BMPER: variants seen among roughly 807,000 people sequenced by gnomAD.
BMPER encodes BMP binding endothelial regulator.
In BMPER, 45 loss-of-function variants were observed where a neutral mutation model predicts 87.3. The ratio of observed to expected loss-of-function variants is 0.52; its 90% CI spans 0.41 to 0.66. The LOEUF is 0.66. Ranked by LOEUF, BMPER falls within the 30% of genes least tolerant of loss-of-function variation. BMPER has a pLI of 0.00. For missense variants in BMPER, 784 were observed against 867.5 expected, an observed-to-expected ratio of 0.90 and a Z score of 1.21; for synonymous variants, 326 against 316.2, an observed-to-expected ratio of 1.03 and a Z score of -0.33.
intron 6 of BMPER, among the ~76,000 whole-genome samples, chr7:33,977,356 G>T (rs1248467135): frequency 2.0e-5 from 3 of 152,170 alleles, no homozygotes; most frequent in Non-Finnish European, 4.4e-5. Flanking sequence ...CTTTAGAGTG[G>T]AATATTCCAA....
chr7:34,003,537 G>A (rs1340229749), intron 6 of BMPER, among the ~76,000 whole-genome samples: 4 of 152,014 alleles, frequency 2.6e-5, no homozygotes, highest in East Asian at 3.9e-4. Flanking sequence ...ACCTCTAATG[G>A]CATTCTTTAT....
intron 11 of BMPER, among the ~76,000 whole-genome samples, chr7:34,070,553 T>A (rs1351148552): frequency 6.6e-6 from 1 of 152,120 alleles, no homozygotes; most frequent in Non-Finnish European, 1.5e-5. Flanking sequence ...GAACCCAAAC[T>A]TAGCTTTCAC....
At chr7:33,941,083 A>T (rs1429404619) in intron 3 of BMPER, among the ~76,000 whole-genome samples, 13 of 134,562 alleles carry the variant, frequency 9.7e-5, no homozygotes, top group African/African-American at 3.6e-4. Flanking sequence ...TTATATATTT[A>T]TATATAATTT....
chr7:33,980,315 G>C (rs1585700844), intron 6 of BMPER, among the ~76,000 whole-genome samples: 2 of 152,304 alleles, frequency 1.3e-5, no homozygotes, highest in East Asian at 3.9e-4. Context: ...TTCTTTATGA[G>C]ATGTGTTCAG....
chr7:34,138,334 T>A (rs373507982), intron 13 of BMPER, among the ~76,000 whole-genome samples: 1 of 152,170 alleles, frequency 6.6e-6, no homozygotes, highest in East Asian at 1.9e-4. Flanking sequence ...CCGAGTGCTA[T>A]GAGGAACAGG....
chr7:33,911,635 TG>T (rs1483617889), intron 2 of BMPER, among the ~76,000 whole-genome samples: 1 of 152,176 alleles, frequency 6.6e-6, no homozygotes, highest in Non-Finnish European at 1.5e-5. Flanking sequence ...CAGACAGTCT[TG>T]GGTTAAAATC....
At position 34,153,246 on chromosome 7, in the gene BMPER, C is replaced by G; in HGVS notation, c.2031C>G (p.Ile677Met). Residue 677 changes from isoleucine (I) to methionine (M), a missense_variant, in exon 15 of 15, where the codon ATC (isoleucine) becomes ATG (methionine). By Grantham distance (10) the Ile-to-Met change is conservative. Coordinates refer to ENST00000649409, the MANE Select transcript of BMPER (RefSeq NM_001365308.1). ...TGGTCCTTCACAAGGGAAGGTGCAT[C>G]AAGCCAGTCCTTTGTCCCCAGCGGT... Reference protein sequence around the residue: ...ANLVLHKGRCIKPVLCPQR With the variant: ...ANLVLHKGRCMKPVLCPQR 6.2e-7 allele frequency: 1 copy of G among 1,614,046 alleles called. No individual in the cohort carries two copies. The highest frequency in any genetic ancestry group is 1.1e-5 in the South Asian group (1 of 91,074).
intron 3 of BMPER, among the ~76,000 whole-genome samples, chr7:33,956,369 G>C (rs1246411029): frequency 6.6e-6 from 1 of 152,120 alleles, no homozygotes; most frequent in Non-Finnish European, 1.5e-5. Flanking sequence ...CACATAAAAA[G>C]ATGTTTAACA....
chr7:33,990,240 T>A (rs1381725587), intron 6 of BMPER, among the ~76,000 whole-genome samples: 1 of 142,016 alleles, frequency 7.0e-6, no homozygotes, highest in East Asian at 2.1e-4. Flanking sequence ...GATTCTTCCT[T>A]CCCATGAGCA....
rs145113663 is a variant in BMPER at position 34,005,733 on chromosome 7, C to A, written c.576+30949C>A. 9.6e-3 allele frequency among the ~76,000 whole-genome samples: 1,462 copies of A among 152,042 alleles called. 15 individuals carry two copies. The highest frequency in any genetic ancestry group is 0.022 in the South Asian group (104 of 4,816). ...CAATGTTGATTTTGATAATTGTTGACAGAGTTCTTATTGCTTTATGGAGGA... is the reference window on the plus strand; with the variant it reads ...CAATGTTGATTTTGATAATTGTTGAAAGAGTTCTTATTGCTTTATGGAGGA... On this transcript the variant is annotated intron_variant, in intron 6 of 14. Transcript: ENST00000649409.
intron 6 of BMPER, among the ~76,000 whole-genome samples, chr7:34,041,818 T>A (rs1448245363): frequency 6.6e-6 from 1 of 152,108 alleles, no homozygotes; most frequent in African/African-American, 2.4e-5. Context: ...CCCAAAGAAT[T>A]TGGCATAGGA....
chr7:34,152,111 G>C (rs1004461680), intron 14 of BMPER, among the ~76,000 whole-genome samples: 1 of 152,110 alleles, frequency 6.6e-6, no homozygotes, highest in African/African-American at 2.4e-5. Context: ...ACAATTACAC[G>C]ATTCCTTACC....
chr7:34,000,311 G>A (rs6980312), intron 6 of BMPER, among the ~76,000 whole-genome samples: 22 of 151,736 alleles, frequency 1.4e-4, no homozygotes, highest in Admixed American at 6.6e-5. Flanking sequence ...AAATTTGGAC[G>A]GTGTTTTTAG....
intron 7 of BMPER, among the ~76,000 whole-genome samples, chr7:34,049,317 A>T (rs1037427104): frequency 3.9e-5 from 6 of 152,182 alleles, no homozygotes; most frequent in Non-Finnish European, 7.3e-5. Context: ...AGAGCTTTAT[A>T]TTCACAATTT....
intron 14 of BMPER, among the ~76,000 whole-genome samples, chr7:34,147,180 C>A (rs928511192): frequency 6.6e-6 from 1 of 152,316 alleles, no homozygotes; most frequent in East Asian, 1.9e-4. Context: ...CCAGATGGTT[C>A]TAGCTCCTTC....
At chr7:34,075,584 C>T (rs1788843674) in intron 11 of BMPER, among the ~76,000 whole-genome samples, 1 of 152,174 alleles carries the variant, frequency 6.6e-6, no homozygotes, top group Non-Finnish European at 1.5e-5. Flanking sequence ...CATCTTTCTC[C>T]CCATCTTCTG....
chr7:33,933,441 G>GT (rs3083764), intron 2 of BMPER, among the ~76,000 whole-genome samples: 10,070 of 128,362 alleles, frequency 0.078, 425 homozygotes, highest in Non-Finnish European at 0.091. Context: ...CATTGGTTAG[G>GT]TTTTTTTTTT....
At chr7:33,994,745 C>T (rs936175425) in intron 6 of BMPER, among the ~76,000 whole-genome samples, 2 of 152,122 alleles carry the variant, frequency 1.3e-5, no homozygotes, top group African/African-American at 2.4e-5. Context: ...GAACAAAAGG[C>T]CATTGTCCTG....
intron 6 of BMPER, among the ~76,000 whole-genome samples, chr7:34,013,378 A>G (rs1020084767): frequency 2.0e-5 from 3 of 151,760 alleles, no homozygotes; most frequent in African/African-American, 4.8e-5. Flanking sequence ...TCCATCCTAG[A>G]TCAAGCTTCT....
Sources: gnomAD v4.1 joint callset for allele counts (sites outside exome capture counted in the v4.1 genomes callset) on GRCh38, gnomAD v4.1.1 for gene constraint, MANE v1.5 for transcripts, NCBI Gene and HGNC (gene_info 2026-07-23, HGNC 2026-07-21) for gene names.